The following HERC1 variants were observed in gnomAD, a reference collection of about 807,000 sequenced individuals.
The protein encoded by HERC1 is HECT and RLD domain containing E3 ubiquitin protein ligase family member 1.
A neutral mutation model predicts 554.3 loss-of-function variants in HERC1; 160 were observed. That is an observed-to-expected ratio of 0.29 (90% confidence interval 0.25 to 0.33). The LOEUF is 0.33. Among genes scored for constraint, HERC1 ranks in the 10% least tolerant of loss-of-function variants. HERC1 has a pLI of 1.00. For synonymous variants in HERC1, 2,175 were observed against 2,131.7 expected (o/e 1.02, Z -0.56); for missense variants, 4,919 against 5,918.5 (o/e 0.83, Z 5.54).
intron 1 of HERC1, among the ~76,000 whole-genome samples, chr15:63,822,364 T>C (rs2077731080): frequency 6.6e-6 from 1 of 152,126 alleles, no homozygotes; most frequent in Non-Finnish European, 1.5e-5. Context: ...GGCGGGCAGA[T>C]CACTTAAGGC....
At chr15:63,806,991 C>T (rs1470248720) in intron 1 of HERC1, among the ~76,000 whole-genome samples, 1 of 152,208 alleles carries the variant, frequency 6.6e-6, no homozygotes, top group Non-Finnish European at 1.5e-5. Flanking sequence ...GGTGATCCAC[C>T]CACCTCGGCC....
chr15:63,614,079 C>T (rs1033402659), intron 76 of HERC1, among the ~76,000 whole-genome samples: 12 of 134,796 alleles, frequency 8.9e-5, no homozygotes, highest in Admixed American at 1.5e-4. Context: ...GATAAACACT[C>T]AGTTCTAAGA....
At chr15:63,770,525 G>A (rs1259758106) in intron 2 of HERC1, among the ~76,000 whole-genome samples, 1 of 152,168 alleles carries the variant, frequency 6.6e-6, no homozygotes, top group Non-Finnish European at 1.5e-5. Context: ...AAAGGTGAAT[G>A]GCGTACATAT....
At chr15:63,771,571 A>C (rs2075957948) in intron 2 of HERC1, among the ~76,000 whole-genome samples, 1 of 151,834 alleles carries the variant, frequency 6.6e-6, no homozygotes, top group Non-Finnish European at 1.5e-5. Flanking sequence ...AGCTGGGATT[A>C]CAGGCACCTG....
Position 63,680,388 on chromosome 15 carries a change from G to T in HERC1, c.6465+149C>A. ...GGGTTTTACTATCTTCCTGTTTGTT[G>T]TTAATAAATGTTTTAAGAACCAGAA... On this transcript the variant is annotated intron_variant, in intron 35 of 77. Transcript: ENST00000443617. This position sits in a 1 kb window ranked among gnomAD's most constrained non-coding sequence, Gnocchi z 5.8. The T allele has an allele frequency of 1.1e-6, 1 of 903,148 alleles. No individual in the cohort carries two copies. The highest frequency in any genetic ancestry group is 1.6e-6 in the Non-Finnish European group (1 of 614,478). The allele number at this position is 903,148 out of a possible 1,614,324, so 55.9% of individuals were successfully genotyped here.
intron 71 of HERC1, 190 bp downstream of exon 71, chr15:63,625,795 C>T: frequency 1.5e-6 from 1 of 689,588 alleles, no homozygotes; most frequent in Non-Finnish European, 2.6e-6. Context: ...CCACTCTGTC[C>T]AGCAGCATCA....
intron 16 of HERC1, among the ~76,000 whole-genome samples, chr15:63,728,359 T>A (rs1691628868): frequency 6.6e-6 from 1 of 152,244 alleles, no homozygotes; most frequent in Admixed American, 6.5e-5. Flanking sequence ...ATATTGGTTT[T>A]AAATCAATTT....
chr15:63,752,407 G>A (rs1009430041), intron 8 of HERC1: 1 of 152,126 alleles, frequency 6.6e-6, no homozygotes, highest in African/African-American at 2.4e-5. Flanking sequence ...CAAACAAATA[G>A]GGTAAGAGTG....
chr15:63,819,304 T>C (rs899999882), intron 1 of HERC1, among the ~76,000 whole-genome samples: 1 of 152,204 alleles, frequency 6.6e-6, no homozygotes, highest in Non-Finnish European at 1.5e-5. Flanking sequence ...CCATGGAAAT[T>C]TGTCAAATGG....
At chr15:63,654,762 G>A (rs1418058642) in intron 50 of HERC1, among the ~76,000 whole-genome samples, 1 of 151,642 alleles carries the variant, frequency 6.6e-6, no homozygotes, top group Admixed American at 6.6e-5. Flanking sequence ...CCAGCTACTC[G>A]GGAGGCTGAG....
At position 63,775,609 on chromosome 15, in the gene HERC1, A is replaced by C. The variant is rs1335119940; in HGVS notation, c.15T>G (p.Ile5Met). Reference protein sequence around the residue: MATMIPPVKLKWLEH... With the variant: MATMMPPVKLKWLEH... The stretch of plus-strand genomic sequence containing the variant: ...CAAGCCATTTCAGCTTCACTGGTGG[A>C]ATCATAGTTGCCATGTTGATTTATC... The change falls in exon 2 of 78, where the codon ATT becomes ATG. Residue 5 changes from isoleucine to methionine, a missense_variant. Around this residue, in one of 11 missense-constraint regions of HERC1, gnomAD observed 110 missense variants for 99.3 expected, o/e 1.11. Coordinates refer to ENST00000443617, the MANE Select transcript of HERC1 (RefSeq NM_003922.4). This position sits in a 1 kb window ranked among gnomAD's most constrained non-coding sequence, Gnocchi z 4.0. 6.3e-7 allele frequency: 1 copy of C among 1,596,438 alleles called. No homozygotes were observed. Among genetic ancestry groups the C allele is most frequent in the Non-Finnish European group, 8.5e-7 (1 of 1,172,760 alleles).
chr15:63,623,076 T>C (rs1270783422), intron 73 of HERC1, among the ~76,000 whole-genome samples, 185 bp from the exon 74 acceptor site: 2 of 152,238 alleles, frequency 1.3e-5, no homozygotes, highest in Non-Finnish European at 1.5e-5. Flanking sequence ...ATCCCCCATA[T>C]GGAAAGCATT....
At chr15:63,684,077 T>C (rs1224224530) in intron 34 of HERC1, among the ~76,000 whole-genome samples, 1 of 152,236 alleles carries the variant, frequency 6.6e-6, no homozygotes, top group African/African-American at 2.4e-5. Context: ...GGCTGGACTG[T>C]CCAGGTTTCT....
At chr15:63,672,797 A>G in intron 38 of HERC1, 103 bp from the exon 39 acceptor site, 1 of 746,022 alleles carries the variant, frequency 1.3e-6, no homozygotes, top group East Asian at 2.7e-5. Context: ...AAGTTTCTAA[A>G]TATATTTCAC....
rs1454434035 is a variant in HERC1, at chr15:63,641,574, C to G, written c.11503G>C (p.Ala3835Pro). The G allele has an allele frequency of 1.2e-6, 2 of 1,605,642 alleles. No homozygotes were observed. Among genetic ancestry groups the G allele is most frequent in the Admixed American group, 3.4e-5 (2 of 58,764 alleles). Reference protein sequence around the residue: ...ANHVLATCRTALKQQGVLGLN... With the variant: ...ANHVLATCRTPLKQQGVLGLN... ...CCCAGAACACCCTGCTGTTTCAATG[C>G]TGTCCTACAGGTTGCCAAAACATGA... is the stretch of plus-strand genomic sequence containing the variant. The change falls in exon 60 of 78, where the codon GCA becomes CCA. Residue 3835 changes from alanine to proline, a missense_variant. Ala to Pro is a conservative substitution (Grantham distance 27). Coordinates refer to ENST00000443617, the MANE Select transcript of HERC1 (RefSeq NM_003922.4).
intron 77 of HERC1, among the ~76,000 whole-genome samples, chr15:63,609,800 A>G (rs767155724): frequency 3.9e-5 from 6 of 152,174 alleles, no homozygotes; most frequent in Non-Finnish European, 8.8e-5. Flanking sequence ...TCACATAAGG[A>G]AGGGGCAGTC....
Position 63,690,587 on chromosome 15 carries a change from A to G in HERC1, c.5891T>C (p.Val1964Ala). 2 of 1,613,508 alleles carry G rather than the reference A, an allele frequency of 1.2e-6. No homozygotes were observed. Among genetic ancestry groups the G allele is most frequent in the Non-Finnish European group, 1.7e-6 (2 of 1,179,550 alleles). The change falls in exon 32 of 78, where the codon GTG becomes GCG. Residue 1964 changes from valine (V) to alanine (A), a missense_variant. Physicochemically the swap from Val to Ala is moderately conservative, Grantham distance 64 (BLOSUM62 0). Around this residue, in one of 11 missense-constraint regions of HERC1, gnomAD observed 1,121 missense variants for 1,244.0 expected, o/e 0.90. Coordinates refer to ENST00000443617, the MANE Select transcript of HERC1 (RefSeq NM_003922.4). ...TACACCAGATTCACAAGCTGGCAGC[A>G]CAGCTTCAAGGACATGAAGTGCAAG... is the stretch of plus-strand genomic sequence containing the variant. The part of the protein sequence containing the change: ...RLLALHVLEA[V>A]LPACESGVED...
intron 37 of HERC1, among the ~76,000 whole-genome samples, chr15:63,675,967 G>C (rs565294978): frequency 6.7e-6 from 1 of 149,442 alleles, no homozygotes; most frequent in African/African-American, 2.5e-5. Flanking sequence ...GCAGTGGTGC[G>C]ATCTCAGCTC....
chr15:63,741,377 T>TG (rs1262184853), intron 12 of HERC1, among the ~76,000 whole-genome samples: 1 of 150,914 alleles, frequency 6.6e-6, no homozygotes, highest in Non-Finnish European at 1.5e-5. Context: ...CAGGCTGGAG[T>TG]GCAATGGTGT....
Sources: allele counts gnomAD v4.1 joint callset (sites outside exome capture counted in the v4.1 genomes callset), GRCh38; gene constraint gnomAD v4.1.1; regional missense constraint gnomAD v4.1.1; non-coding constraint Gnocchi (gnomAD v3.1); transcripts MANE v1.5; gene names NCBI Gene and HGNC (gene_info 2026-07-23, HGNC 2026-07-21).